The following DNAH8 variants were observed in gnomAD, a reference collection of about 807,000 sequenced individuals.
DNAH8 encodes dynein axonemal heavy chain 8.
A neutral mutation model predicts 562.1 loss-of-function variants in DNAH8; 382 were observed. That is an observed-to-expected ratio of 0.68 (90% CI 0.63 to 0.74). The LOEUF is 0.74. Among genes scored for constraint, DNAH8 ranks in the 30% least tolerant of loss-of-function variants. The pLI, the probability that DNAH8 is intolerant of heterozygous loss-of-function variation, is 0.00. For synonymous variants in DNAH8, 1,881 were observed against 1,919.4 expected (o/e 0.98, Z 0.52); for missense variants, 5,203 against 5,620.4 (o/e 0.93, Z 2.37).
chr6:38,935,538 C>G, intron 76 of DNAH8, 54 bp from the exon 77 acceptor site: 1 of 1,284,538 alleles, frequency 7.8e-7, no homozygotes, highest in Non-Finnish European at 1.1e-6. Context: ...GTTGGGTTTA[C>G]TGTAATAACT....
chr6:38,873,031 A>T lies in DNAH8; in HGVS notation c.7363A>T (p.Ser2455Cys), dbSNP rs1315348214. 6.2e-7 allele frequency: 1 copy of T among 1,614,118 alleles called. No homozygotes were observed. The change falls in exon 51 of 93, where the codon AGT (serine) becomes TGT (cysteine). Residue 2455 changes from serine (S) to cysteine (C), a missense_variant. Ser to Cys is a moderately radical substitution (Grantham distance 112). This residue lies in a region of DNAH8 where 977 missense variants were observed against 1,061.8 expected (regional missense o/e 0.92). Coordinates refer to ENST00000327475, the MANE Select transcript of DNAH8 (RefSeq NM_001206927.2). The part of the protein sequence containing the change: ...ANGDRIPMAP[S>C]CKLLFEVHNI... ...TGGAGATCGCATTCCCATGGCCCCT[A>T]GTTGTAAGCTTCTGTTTGAAGTCCA... is the stretch of plus-strand genomic sequence containing the variant.
chr6:38,795,269 T>C (rs957581060), intron 21 of DNAH8, among the ~76,000 whole-genome samples: 2 of 152,174 alleles, frequency 1.3e-5, no homozygotes, highest in Admixed American at 6.5e-5. Context: ...AATTCTCCAG[T>C]GGTAGTGCTA....
chr6:38,817,935 T>C (rs1036976773), intron 26 of DNAH8, among the ~76,000 whole-genome samples: 2 of 152,186 alleles, frequency 1.3e-5, no homozygotes, highest in Admixed American at 1.3e-4. Context: ...CCAAAAAATA[T>C]AATTCTGGAA....
intron 4 of DNAH8, among the ~76,000 whole-genome samples, chr6:38,733,779 C>T (rs1246381968): frequency 5.3e-5 from 8 of 151,720 alleles, no homozygotes; most frequent in African/African-American, 1.5e-4. Flanking sequence ...GGCATGATGG[C>T]GCGTGCTTGT....
At position 38,906,319 on chromosome 6, in the gene DNAH8, G is replaced by C. The variant is rs1561844722; in HGVS notation, c.9260G>C (p.Gly3087Ala). The C allele has an allele frequency of 6.2e-7, 1 of 1,610,244 alleles. No homozygotes were observed. The highest frequency in any genetic ancestry group is 8.5e-7 in the Non-Finnish European group (1 of 1,177,592). Residue 3087 changes from glycine (G) to alanine (A), a missense_variant, in exon 63 of 93, where the codon GGA (glycine) becomes GCA (alanine). By Grantham distance (60) the Gly-to-Ala change is moderately conservative. Transcript: ENST00000327475. ...KALYKVAGAD[G>A]KGITFIFTDS... ...TTGTACAAAGTTGCTGGTGCTGATG[G>C]AAAAGGCATCACTTTCATCTTTACT...
chr6:38,822,188 G>A (rs1375243944), intron 26 of DNAH8: 2 of 147,974 alleles, frequency 1.4e-5, no homozygotes, highest in Middle Eastern at 3.4e-3. Flanking sequence ...GTTTATTTTA[G>A]GGTCATTTTT....
intron 41 of DNAH8, among the ~76,000 whole-genome samples, chr6:38,857,242 T>A (rs995324314): frequency 3.9e-5 from 6 of 152,182 alleles, no homozygotes; most frequent in Admixed American, 6.5e-5. Flanking sequence ...TATCCAATAG[T>A]CTCAGGCCCT....
chr6:38,835,473 A>G (rs1583140532), intron 32 of DNAH8, among the ~76,000 whole-genome samples: 1 of 152,206 alleles, frequency 6.6e-6, no homozygotes, highest in African/African-American at 2.4e-5. Context: ...TGACCTAGGT[A>G]TGTGAAATTG....
chr6:38,789,449 T>C (rs1300179572), intron 18 of DNAH8, among the ~76,000 whole-genome samples: 1 of 152,186 alleles, frequency 6.6e-6, no homozygotes, highest in Non-Finnish European at 1.5e-5. Context: ...GCATCAGTGA[T>C]AAGATGAGGA....
In DNAH8 at chr6:38,907,308, T is replaced by G. The variant is rs75704539; in HGVS notation, c.9349-648T>G. Among the ~76,000 whole-genome samples the G allele has an allele frequency of 4.6e-5, 7 of 152,302 alleles. No homozygotes were observed. The East Asian group carries it at 1.4e-3, about 29-fold the overall frequency. ...CTGTTTCCATTCAGGGAAGCCCACT[T>G]GAGATTCAGAGTCCAGTGGTTTTTT... On this transcript the variant is annotated intron_variant, in intron 63 of 92. Transcript: ENST00000327475.
rs752736988 is a variant in DNAH8 at position 38,775,756 on chromosome 6, T to G, written c.1767T>G (p.Ile589Met). 10 of 1,571,994 alleles carry G rather than the reference T, an allele frequency of 6.4e-6. No individual in the cohort carries two copies. Among genetic ancestry groups the G allele is most frequent in the Admixed American group, 5.3e-5 (3 of 56,212 alleles). ...FEAFCKRLEK[I>M]TEMITVVQTY... ...AAAATAACATTTCTCTTTTTAAGATTACAGAAATGATAACTGTTGTGCAAA... is the reference window on the plus strand; with the variant it reads ...AAAATAACATTTCTCTTTTTAAGATGACAGAAATGATAACTGTTGTGCAAA... The change falls in exon 13 of 93, where the codon ATT becomes ATG. Residue 589 changes from isoleucine to methionine, a missense_variant and splice_region_variant. This residue lies in a region of DNAH8 where 2,176 missense variants were observed against 2,365.1 expected (regional missense o/e 0.92). Coordinates refer to ENST00000327475, the MANE Select transcript of DNAH8 (RefSeq NM_001206927.2).
chr6:38,934,017 C>A (rs568766150), intron 76 of DNAH8, among the ~76,000 whole-genome samples: 1 of 152,204 alleles, frequency 6.6e-6, no homozygotes, highest in South Asian at 2.1e-4. Flanking sequence ...GATGCATAAA[C>A]CGTAGTTGGA....
Position 38,951,302 on chromosome 6 carries a change from T to G in DNAH8, c.12249-16T>G. 4 of 1,610,732 alleles carry G rather than the reference T, an allele frequency of 2.5e-6. No individual in the cohort carries two copies. The highest frequency in any genetic ancestry group is 3.4e-6 in the Non-Finnish European group (4 of 1,177,096). On this transcript the variant is annotated splice_polypyrimidine_tract_variant and intron_variant, in intron 81 of 92. Coordinates refer to ENST00000327475, the MANE Select transcript of DNAH8 (RefSeq NM_001206927.2). ...ACACGTTTAGTTTATTTCGCCTAAC[T>G]TGTATTCATTTTTAGGTCTTGGTGC...
intron 28 of DNAH8, 56 bp from the exon 29 acceptor site, chr6:38,826,100 T>G (rs528956099): frequency 8.2e-7 from 1 of 1,222,082 alleles, no homozygotes; most frequent in East Asian, 2.5e-5. Context: ...ATAGATGCCC[T>G]TATAGTTTCA....
intron 80 of DNAH8, among the ~76,000 whole-genome samples, chr6:38,946,997 G>A (rs192237652): frequency 2.0e-5 from 3 of 152,278 alleles, no homozygotes; most frequent in Non-Finnish European, 4.4e-5. Flanking sequence ...GTAGAATATA[G>A]TAGCTATTAC....
rs142694922 is a variant in DNAH8 at position 38,864,022 on chromosome 6, G to A, written c.6460G>A (p.Val2154Ile). The A allele has an allele frequency of 6.2e-6, 10 of 1,608,402 alleles. No homozygotes were observed. The African/African-American group carries it at 1.3e-4, about 22-fold the overall frequency. The change falls in exon 45 of 93, where the codon GTT becomes ATT. Residue 2154 changes from valine to isoleucine, a missense_variant. Val to Ile is a conservative substitution (Grantham distance 29, BLOSUM62 3). Coordinates refer to ENST00000327475, the MANE Select transcript of DNAH8 (RefSeq NM_001206927.2). ...GTTCATTTTTTCTGATGGTGATTGT[G>A]TTGATTTAAATCCAGAATTTGGAAT... Reference protein sequence around the residue: ...KQFIFSDGDCVDLNPEFGIFL... With the variant: ...KQFIFSDGDCIDLNPEFGIFL...
At chr6:38,962,808 A>G (rs1762697989) in intron 82 of DNAH8, among the ~76,000 whole-genome samples, 1 of 152,216 alleles carries the variant, frequency 6.6e-6, no homozygotes, top group African/African-American at 2.4e-5. Context: ...ATAAAAAGGA[A>G]TAAAATAATG....
Position 38,733,212 on chromosome 6 carries a change from A to C in DNAH8, c.611-1262A>C, listed in dbSNP as rs553957119. 2.2e-5 allele frequency among the ~76,000 whole-genome samples: 3 copies of C among 135,536 alleles called. No homozygotes were observed. The East Asian group carries it at 5.8e-4, about 26-fold the overall frequency. 88.9% of individuals were successfully genotyped at this position (135,536 alleles called of 152,430 possible). ...TGGCCAATTTTCTATTTCTTTTATT[A>C]CATTTTAAATTGGCTATTGCTGCAA... On this transcript the variant is annotated intron_variant, in intron 4 of 92. Transcript: ENST00000327475.
At chr6:38,974,663 C>A in intron 85 of DNAH8, 134 bp downstream of exon 85, 2 of 687,298 alleles carry the variant, frequency 2.9e-6, no homozygotes, top group South Asian at 3.7e-5. Context: ...TAGCACTTTC[C>A]CCACCTGGTA....
Sources: gnomAD v4.1 joint callset for allele counts (sites outside exome capture counted in the v4.1 genomes callset) on GRCh38, gnomAD v4.1.1 for gene constraint, gnomAD v4.1.1 regional missense constraint, MANE v1.5 for transcripts, NCBI Gene and HGNC (gene_info 2026-07-23, HGNC 2026-07-21) for gene names.